The following CELSR1 variants were observed in gnomAD, a reference collection of about 807,000 sequenced individuals.
The protein encoded by CELSR1 is cadherin EGF LAG seven-pass G-type receptor 1.
CELSR1 carries 110 observed loss-of-function variants against 249.1 expected under a neutral mutation model. The ratio of observed to expected loss-of-function variants is 0.44; its 90% CI spans 0.38 to 0.52. The LOEUF (loss-of-function observed/expected upper bound fraction) is 0.52. Among genes scored for constraint, CELSR1 ranks in the 20% least tolerant of loss-of-function variants. The pLI, the probability that CELSR1 is intolerant of heterozygous loss-of-function variation, is 0.00. For synonymous variants in CELSR1, 2,113 were observed against 1,900.0 expected (o/e 1.11, Z -2.92); for missense variants, 4,109 against 4,296.4 (o/e 0.96, Z 1.22).
At chr22:46,514,897 G>A (rs539338829) in intron 1 of CELSR1, among the ~76,000 whole-genome samples, 1 of 152,252 alleles carries the variant, frequency 6.6e-6, no homozygotes, top group East Asian at 1.9e-4. Context: ...CTCAGGCCTG[G>A]GGGATGAGCA....
chr22:46,512,638 T>A lies in CELSR1; in HGVS notation c.3544+20989A>T, dbSNP rs2080585654. 6.6e-6 allele frequency among the ~76,000 whole-genome samples: 1 copy of A among 152,158 alleles called. No homozygotes were observed. The highest frequency in any genetic ancestry group is 1.5e-5 in the Non-Finnish European group (1 of 68,016). On this transcript the variant is annotated intron_variant, in intron 1 of 34. Coordinates refer to ENST00000674500, the MANE Select transcript of CELSR1 (RefSeq NM_001378328.1). This position sits in a 1 kb window ranked among gnomAD's most constrained non-coding sequence, Gnocchi z 5.2. ...TGACATCTGCTGAAGCCAGGAGGCC[T>A]CAAATGGCCTCACCACAGGTCCCCC...
At position 46,369,808 on chromosome 22, in the gene CELSR1, A is replaced by T. The variant is rs535507325; in HGVS notation, c.7760-4T>A. 3.1e-6 allele frequency: 5 copies of T among 1,612,494 alleles called. No homozygotes were observed. Among genetic ancestry groups the T allele is most frequent in the Non-Finnish European group, 4.2e-6 (5 of 1,179,612 alleles). ...GGGTCCAGGCCGACCGCCAGTCCTG[A>T]ACACAGCGGGGAGGAAGGGAAGGGT... On this transcript the variant is annotated splice_region_variant and splice_polypyrimidine_tract_variant and intron_variant, in intron 25 of 34. Transcript: ENST00000674500.
intron 1 of CELSR1, among the ~76,000 whole-genome samples, chr22:46,486,113 G>GT (rs1208521125): frequency 1.3e-5 from 2 of 151,396 alleles, no homozygotes; most frequent in African/African-American, 4.8e-5. Context: ...AATTTTTTGT[G>GT]TTTTTATAGT....
intron 5 of CELSR1, among the ~76,000 whole-genome samples, chr22:46,422,676 A>T (rs2079490100): frequency 6.6e-6 from 1 of 151,526 alleles, no homozygotes; most frequent in Non-Finnish European, 1.5e-5. Context: ...CTGAGGCAGG[A>T]GAATGGTGTG....
Position 46,411,784 on chromosome 22 carries a change from G to A in CELSR1, c.4612-25C>T, listed in dbSNP as rs200129710. 1.6e-5 allele frequency: 26 copies of A among 1,613,178 alleles called. No individual in the cohort carries two copies. The highest frequency in any genetic ancestry group is 1.9e-5 in the Non-Finnish European group (22 of 1,179,958). The stretch of plus-strand genomic sequence containing the variant: ...GCTGTAAGAAGAGAAAGCACAGAAG[G>A]TGTCAGCGTTTTCTCCACCAGTGCC... On this transcript the variant is annotated intron_variant, in intron 5 of 34. Transcript: ENST00000674500. The surrounding 1 kb of genome is among the most constrained non-coding windows in gnomAD (Gnocchi z 4.2).
intron 12 of CELSR1, among the ~76,000 whole-genome samples, chr22:46,397,286 T>TC (rs2079158684): frequency 6.8e-6 from 1 of 146,596 alleles, no homozygotes; most frequent in Admixed American, 6.7e-5. Flanking sequence ...GCTTTTTTTT[T>TC]TTTTTTTTTT....
chr22:46,425,590 C>G (rs927309203), intron 5 of CELSR1, among the ~76,000 whole-genome samples: 1 of 152,082 alleles, frequency 6.6e-6, no homozygotes, highest in Non-Finnish European at 1.5e-5. Context: ...ATTAATTATT[C>G]CCTTATTACC....
At chr22:46,370,779 T>A (rs1186629722) in intron 25 of CELSR1, among the ~76,000 whole-genome samples, 4 of 152,220 alleles carry the variant, frequency 2.6e-5, no homozygotes, top group African/African-American at 9.6e-5. Context: ...AGGGAAGCCC[T>A]GGATGGCCGG....
chr22:46,474,788 C>CTATTTTTTT lies in CELSR1; in HGVS notation c.3545-10444_3545-10443insAAAAAAATA, dbSNP rs2080191128. On this transcript the variant is annotated intron_variant, in intron 1 of 34. Transcript: ENST00000674500. ...GTGACCATTATTCTACTCTCTACTT[C>CTATTTTTTT]TTTTTTTTTTTTTTTTTTGAGACGG... Among the ~76,000 whole-genome samples, 3 of 89,624 alleles carry CTATTTTTTT rather than the reference C, an allele frequency of 3.3e-5. No homozygotes were observed. The South Asian group carries it at 1.3e-3, about 40-fold the overall frequency. The allele number at this position is 89,624 out of a possible 152,430, so 58.8% of individuals were successfully genotyped here. A position where few individuals can be genotyped will look rare whatever the true frequency, so the allele number is the denominator to read the frequency against.
At chr22:46,379,863 GA>G (rs1488551802) in intron 22 of CELSR1, among the ~76,000 whole-genome samples, 2 of 152,160 alleles carry the variant, frequency 1.3e-5, no homozygotes, top group African/African-American at 4.8e-5. Context: ...GGTGTGTGGG[GA>G]GGCAGTGGGT....
At chr22:46,422,891 C>T (rs1044990710) in intron 5 of CELSR1, among the ~76,000 whole-genome samples, 1 of 152,182 alleles carries the variant, frequency 6.6e-6, no homozygotes, top group Admixed American at 6.5e-5. Context: ...CGAAATCCAC[C>T]TCACTTTGCA....
chr22:46,410,327 C>T lies in CELSR1; in HGVS notation c.4933+71G>A. The T allele has an allele frequency of 6.4e-7, 1 of 1,569,032 alleles. No individual in the cohort carries two copies. Among genetic ancestry groups the T allele is most frequent in the East Asian group, 2.3e-5 (1 of 44,212 alleles). On this transcript the variant is annotated intron_variant, in intron 7 of 34. Coordinates refer to ENST00000674500, the MANE Select transcript of CELSR1 (RefSeq NM_001378328.1). This position sits in a 1 kb window ranked among gnomAD's most constrained non-coding sequence, Gnocchi z 6.8. ...CTCCCCAGGGATCTGCAAGCAGTGACCTCTGTGTGGCTGCCGACGTCCAGC... is the reference window on the plus strand; with the variant it reads ...CTCCCCAGGGATCTGCAAGCAGTGATCTCTGTGTGGCTGCCGACGTCCAGC...
Position 46,468,480 on chromosome 22 carries a change from C to A in CELSR1, c.3545-4135G>T, listed in dbSNP as rs1679298202. On this transcript the variant is annotated intron_variant, in intron 1 of 34. Coordinates refer to ENST00000674500, the MANE Select transcript of CELSR1 (RefSeq NM_001378328.1). This position sits in a 1 kb window ranked among gnomAD's most constrained non-coding sequence, Gnocchi z 4.5. ...TGACACACGCTACAACATGGATGTACCTTGAGGACGTGATGCTCACTGCAA... is the reference window on the plus strand; with the variant it reads ...TGACACACGCTACAACATGGATGTAACTTGAGGACGTGATGCTCACTGCAA... 6.6e-6 allele frequency among the ~76,000 whole-genome samples: 1 copy of A among 152,038 alleles called. No individual in the cohort carries two copies. Among genetic ancestry groups the A allele is most frequent in the Admixed American group, 6.6e-5 (1 of 15,238 alleles).
Position 46,474,994 on chromosome 22 carries a change from C to G in CELSR1, c.3545-10649G>C, listed in dbSNP as rs73888521. Among the ~76,000 whole-genome samples, 8 of 152,152 alleles carry G rather than the reference C, an allele frequency of 5.3e-5. No homozygotes were observed. The South Asian group carries it at 1.7e-3, about 32-fold the overall frequency. ...AGCCCATCAACAGGCAAATGAGGAG[C>G]GTGTTAAAAGCTCTGAAAAGCTTCT... On this transcript the variant is annotated intron_variant, in intron 1 of 34. Transcript: ENST00000674500.
At position 46,380,952 on chromosome 22, in the gene CELSR1, C is replaced by T. The variant is rs867586920; in HGVS notation, c.7092G>A (p.Leu2364=). ...RYDPDRRSLR[L]PHRPIINTPM... The stretch of plus-strand genomic sequence containing the variant: ...GGGTATTAATGATGGGCCGGTGAGG[C>T]AACCTGAGGTCAAGAAGCCAGAGCA... The change falls in exon 22 of 35, where the codon TTG becomes TTA. Residue 2364 remains leucine (L), a synonymous_variant. Coordinates refer to ENST00000674500, the MANE Select transcript of CELSR1 (RefSeq NM_001378328.1). The surrounding 1 kb of genome is among the most constrained non-coding windows in gnomAD (Gnocchi z 5.1). The T allele has an allele frequency of 6.2e-7, 1 of 1,611,644 alleles. No individual in the cohort carries two copies. Among genetic ancestry groups the T allele is most frequent in the Non-Finnish European group, 8.5e-7 (1 of 1,178,596 alleles).
chr22:46,518,777 T>C lies in CELSR1; in HGVS notation c.3544+14850A>G, dbSNP rs2080655041. ...GTGGCTGGGCGCGGTGGCTCGCCTG[T>C]AATCCAGCACTTTGGGAGGCCAAGG... On this transcript the variant is annotated intron_variant, in intron 1 of 34. Coordinates refer to ENST00000674500, the MANE Select transcript of CELSR1 (RefSeq NM_001378328.1). The surrounding 1 kb of genome is among the most constrained non-coding windows in gnomAD (Gnocchi z 5.2). 6.6e-6 allele frequency among the ~76,000 whole-genome samples: 1 copy of C among 152,182 alleles called. No homozygotes were observed. Among genetic ancestry groups the C allele is most frequent in the Non-Finnish European group, 1.5e-5 (1 of 68,030 alleles).
At position 46,363,675 on chromosome 22, in the gene CELSR1, G is replaced by A. The variant is rs758170881; in HGVS notation, c.9035+321C>T. ...CAGTATCCTCAACTGCAAGGTGGGT[G>A]GCAGTGGTCCCAGGCGGAGACAATG... On this transcript the variant is annotated intron_variant, in intron 34 of 34. Transcript: ENST00000674500. The surrounding 1 kb of genome is among the most constrained non-coding windows in gnomAD (Gnocchi z 4.3). The A allele has an allele frequency of 9.7e-6, 4 of 410,856 alleles. No individual in the cohort carries two copies. The highest frequency in any genetic ancestry group is 1.7e-5 in the Non-Finnish European group (4 of 229,392). 25.5% of individuals were successfully genotyped at this position (410,856 alleles called of 1,614,324 possible). A position where few individuals can be genotyped will look rare whatever the true frequency, so the allele number is the denominator to read the frequency against.
intron 20 of CELSR1, among the ~76,000 whole-genome samples, chr22:46,383,469 G>T (rs989650559): frequency 6.6e-6 from 1 of 152,134 alleles, no homozygotes; most frequent in Non-Finnish European, 1.5e-5. Context: ...TGGCTTTTTT[G>T]TTGTTGTTTT....
chr22:46,363,865 C>G lies in CELSR1; in HGVS notation c.9035+131G>C. The G allele has an allele frequency of 4.7e-6, 6 of 1,269,686 alleles. No homozygotes were observed. Among genetic ancestry groups the G allele is most frequent in the Non-Finnish European group, 6.3e-6 (6 of 953,906 alleles). The allele number at this position is 1,269,686 out of a possible 1,614,324, so 78.7% of individuals were successfully genotyped here. ...GCGCCTCCCCCCTCCCCCATCCCCG[C>G]CTGGGCTTCCTCTGCACTCAGGGCT... On this transcript the variant is annotated intron_variant, in intron 34 of 34. Coordinates refer to ENST00000674500, the MANE Select transcript of CELSR1 (RefSeq NM_001378328.1). This position sits in a 1 kb window ranked among gnomAD's most constrained non-coding sequence, Gnocchi z 4.3.
Sources: allele counts gnomAD v4.1 joint callset (sites outside exome capture counted in the v4.1 genomes callset), GRCh38; gene constraint gnomAD v4.1.1; non-coding constraint Gnocchi (gnomAD v3.1); transcripts MANE v1.5; gene names NCBI Gene and HGNC (gene_info 2026-07-23, HGNC 2026-07-21).